The following ADAMTS16 variants were observed in gnomAD, a reference collection of about 807,000 sequenced individuals.
ADAMTS16 encodes A disintegrin and metalloproteinase with thrombospondin motifs 16.
In ADAMTS16, 94 loss-of-function variants were observed where a neutral mutation model predicts 145.8. That is an observed-to-expected ratio of 0.64 (90% CI 0.55 to 0.77). The LOEUF is 0.77. ADAMTS16 is among the 30% of genes least tolerant of loss of function. The pLI is 0.00. For synonymous variants in ADAMTS16, 659 were observed against 604.3 expected (o/e 1.09, Z -1.33); for missense variants, 1,585 against 1,591.5 (o/e 1.00, Z 0.07).
intron 10 of ADAMTS16, among the ~76,000 whole-genome samples, chr5:5,213,067 C>A (rs956110008): frequency 5.9e-5 from 9 of 152,160 alleles, no homozygotes; most frequent in Admixed American, 2.6e-4. Context: ...CAAATAAATC[C>A]ATGCATCCCT....
At chr5:5,207,919 C>G (rs1023799471) in intron 9 of ADAMTS16, among the ~76,000 whole-genome samples, 1 of 152,030 alleles carries the variant, frequency 6.6e-6, no homozygotes, top group Admixed American at 6.6e-5. Flanking sequence ...TTGTTGGATC[C>G]AATTTGCTAA....
chr5:5,295,853 G>A (rs982880095), intron 18 of ADAMTS16, among the ~76,000 whole-genome samples: 1 of 152,220 alleles, frequency 6.6e-6, no homozygotes, highest in Non-Finnish European at 1.5e-5. Context: ...AACCACTTGT[G>A]TGCTTCCATG....
At position 5,195,154 on chromosome 5, in the gene ADAMTS16, G is replaced by T. The variant is rs557951870; in HGVS notation, c.1313+3364G>T. Among the ~76,000 whole-genome samples, 139 of 150,552 alleles carry T rather than the reference G, an allele frequency of 9.2e-4. 1 individual carries two copies. Among genetic ancestry groups the T allele is most frequent in the African/African-American group, 3.3e-3 (134 of 40,628 alleles). On this transcript the variant is annotated intron_variant, in intron 8 of 22. Transcript: ENST00000274181. ...TGGATTTGTGTTGGAAAGAGAGGAG[G>T]AGAGACTGGAACCAGAACTGAGATA...
chr5:5,207,040 G>A (rs1012621468), intron 9 of ADAMTS16, among the ~76,000 whole-genome samples: 33 of 152,114 alleles, frequency 2.2e-4, no homozygotes, highest in African/African-American at 8.0e-4. Context: ...TAAGTGTTTT[G>A]CCTCTCCATA....
intron 18 of ADAMTS16, among the ~76,000 whole-genome samples, chr5:5,277,115 A>G (rs994556266): frequency 3.3e-5 from 5 of 152,220 alleles, no homozygotes; most frequent in South Asian, 2.1e-4. Context: ...GTGATTTTCA[A>G]TGACAGAGTT....
At chr5:5,221,286 G>GAA (rs1736598609) in intron 10 of ADAMTS16, among the ~76,000 whole-genome samples, 2 of 151,992 alleles carry the variant, frequency 1.3e-5, no homozygotes, top group South Asian at 4.2e-4. Context: ...TTCTGGCCAA[G>GAA]AACAGAGGCC....
intron 3 of ADAMTS16, among the ~76,000 whole-genome samples, chr5:5,152,228 C>T (rs191080849): frequency 3.3e-5 from 5 of 152,334 alleles, no homozygotes; most frequent in Admixed American, 2.0e-4. Context: ...TCCAAGACAC[C>T]GAATTGCAGA....
intron 13 of ADAMTS16, among the ~76,000 whole-genome samples, 200 bp from the exon 14 acceptor site, chr5:5,236,769 T>G (rs1173095315): frequency 6.9e-6 from 1 of 145,216 alleles, no homozygotes; most frequent in African/African-American, 2.6e-5. Context: ...AGAGTAAAAT[T>G]TAACATTGAA....
At chr5:5,263,532 C>A (rs771746146) in intron 18 of ADAMTS16, among the ~76,000 whole-genome samples, 3 of 152,236 alleles carry the variant, frequency 2.0e-5, no homozygotes, top group Non-Finnish European at 4.4e-5. Flanking sequence ...GCCTCCTGAA[C>A]TCAGCCCCTT....
In ADAMTS16 at chr5:5,236,954, G is replaced by A. The variant is rs776239866; in HGVS notation, c.2024-15G>A. On this transcript the variant is annotated splice_polypyrimidine_tract_variant and intron_variant, in intron 13 of 22. Transcript: ENST00000274181. ...ATTTTTCTTATTTGTGTTTGTGTGTGTATTTCTTTTTAAGATCAGGACTTA... is the reference window on the plus strand; with the variant it reads ...ATTTTTCTTATTTGTGTTTGTGTGTATATTTCTTTTTAAGATCAGGACTTA... The A allele has an allele frequency of 6.2e-7, 1 of 1,605,068 alleles. No homozygotes were observed.
chr5:5,274,501 G>A (rs915522506), intron 18 of ADAMTS16, among the ~76,000 whole-genome samples: 4 of 152,064 alleles, frequency 2.6e-5, no homozygotes, highest in Admixed American at 6.6e-5. Flanking sequence ...AGTCACATGC[G>A]TGTAAGTTTC....
chr5:5,176,307 G>T (rs116243238), intron 3 of ADAMTS16: 1 of 152,150 alleles, frequency 6.6e-6, no homozygotes, highest in Admixed American at 6.5e-5. Context: ...CCTAAGAACT[G>T]GGTAAGAAGT....
intron 2 of ADAMTS16, among the ~76,000 whole-genome samples, chr5:5,141,706 T>C (rs1012212986): frequency 1.3e-5 from 2 of 152,238 alleles, no homozygotes; most frequent in South Asian, 2.1e-4. Context: ...TTTCTCAGTA[T>C]AGTTATTTCA....
At chr5:5,175,213 C>T (rs1356329763) in intron 3 of ADAMTS16, among the ~76,000 whole-genome samples, 1 of 152,172 alleles carries the variant, frequency 6.6e-6, no homozygotes, top group Non-Finnish European at 1.5e-5. Context: ...GCTCTCTACT[C>T]AGCAGGAGAT....
intron 21 of ADAMTS16, among the ~76,000 whole-genome samples, chr5:5,311,318 CA>C (rs759757342): frequency 0.056 from 5,511 of 99,082 alleles, 168 homozygotes; most frequent in East Asian, 0.1. Context: ...AAAAAAAAAA[CA>C]AAAAAACAAA....
Position 5,262,475 on chromosome 5 carries a change from A to G in ADAMTS16, c.2663-182A>G, listed in dbSNP as rs10064461. ...ATCTTAGAATGAATGAAATTCACGA[A>G]TTACAACTTATGAAGACAGGTCAGA... On this transcript the variant is annotated intron_variant, in intron 17 of 22. Coordinates refer to ENST00000274181, the MANE Select transcript of ADAMTS16 (RefSeq NM_139056.4). Among the ~76,000 whole-genome samples the G allele has an allele frequency of 3.7e-3, 567 of 152,390 alleles. 3 individuals carry two copies. Among genetic ancestry groups the G allele is most frequent in the African/African-American group, 0.013 (524 of 41,590 alleles).
At chr5:5,267,882 A>G (rs1426819716) in intron 18 of ADAMTS16, among the ~76,000 whole-genome samples, 3 of 152,176 alleles carry the variant, frequency 2.0e-5, no homozygotes, top group Non-Finnish European at 4.4e-5. Context: ...TATCAGAATC[A>G]GATCTTTGCT....
At chr5:5,262,374 G>A (rs1352786754) in intron 17 of ADAMTS16, among the ~76,000 whole-genome samples, 1 of 152,214 alleles carries the variant, frequency 6.6e-6, no homozygotes. Context: ...TTCAGCAAAT[G>A]TATGATGACA....
intron 17 of ADAMTS16, among the ~76,000 whole-genome samples, chr5:5,252,490 TG>T (rs1398701842): frequency 6.6e-6 from 1 of 152,008 alleles, no homozygotes; most frequent in Non-Finnish European, 1.5e-5. Flanking sequence ...CCTTAGTGCA[TG>T]GGGGTGAAAA....
Sources: gnomAD v4.1 joint callset for allele counts (sites outside exome capture counted in the v4.1 genomes callset) on GRCh38, gnomAD v4.1.1 for gene constraint, MANE v1.5 for transcripts, NCBI Gene and HGNC (gene_info 2026-07-23, HGNC 2026-07-21) for gene names.